MUC4: variants seen among roughly 807,000 people sequenced by gnomAD.
The protein encoded by MUC4 is mucin 4, cell surface associated, also known as mucin-4.
MUC4 carries 202 observed loss-of-function variants against 257.9 expected under a neutral mutation model. That is an observed-to-expected ratio of 0.78 (90% confidence interval 0.70 to 0.88). MUC4 has a LOEUF of 0.88. Among genes scored for constraint, MUC4 ranks in the 40% least tolerant of loss-of-function variants. The pLI, the probability that MUC4 is intolerant of heterozygous loss-of-function variation, is 0.00. For missense variants in MUC4, 5,976 were observed against 6,513.7 expected (o/e 0.92, Z 2.84); for synonymous variants, 2,351 against 2,757.1 (o/e 0.85, Z 4.62).
intron 7 of MUC4, among the ~76,000 whole-genome samples, chr3:195,767,510 TCACCATCACCAC>T (rs1172138581): frequency 2.7e-3 from 95 of 35,532 alleles, no homozygotes; most frequent in African/African-American, 6.9e-3. Flanking sequence ...ACCACCACCA[TCACCATCACCAC>T]CACCATCGCC....
intron 19 of MUC4, chr3:195,753,468 T>C (rs1716889444): frequency 1.9e-6 from 1 of 533,522 alleles, no homozygotes. Context: ...TCTCAGACCC[T>C]CTGCTTCAGA....
Position 195,778,472 on chromosome 3 carries a change from A to G in MUC4, c.12791-17T>C. 6.2e-7 allele frequency: 1 copy of G among 1,610,374 alleles called. No homozygotes were observed. The highest frequency in any genetic ancestry group is 8.5e-7 in the Non-Finnish European group (1 of 1,179,098). On this transcript the variant is annotated splice_polypyrimidine_tract_variant and intron_variant, in intron 2 of 24. Transcript: ENST00000463781. ...TTGTCATTCCTGGACACGTGAAAAGACAAGGCGGGGTGTTTCTTACAGTAA... is the reference window on the plus strand; with the variant it reads ...TTGTCATTCCTGGACACGTGAAAAGGCAAGGCGGGGTGTTTCTTACAGTAA...
chr3:195,751,371 G>T, intron 21 of MUC4, 100 bp from the exon 22 acceptor site: 1 of 944,052 alleles, frequency 1.1e-6, no homozygotes, highest in Non-Finnish European at 1.7e-6. Flanking sequence ...TTTCCTCCTG[G>T]AACGGGAGCC....
intron 12 of MUC4, 50 bp downstream of exon 12, chr3:195,763,383 A>AAGGTCCTGTGGGTGGAATGCAGGG: frequency 7.2e-7 from 1 of 1,388,192 alleles, no homozygotes; most frequent in Non-Finnish European, 9.4e-7. Flanking sequence ...TATGTGGCTG[A>AAGGTCCTGTGGGTGGAATGCAGGG]AGGTCCCTGT....
At chr3:195,758,869 C>A (rs973077010) in intron 17 of MUC4, among the ~76,000 whole-genome samples, 3 of 152,090 alleles carry the variant, frequency 2.0e-5, no homozygotes, top group African/African-American at 7.2e-5. Context: ...CCGCGCCCAG[C>A]CTTGAATCAG....
At position 195,761,136 on chromosome 3, in the gene MUC4, G is replaced by T; in HGVS notation, c.14615-19C>A. 1 of 1,596,432 alleles carries T rather than the reference G, an allele frequency of 6.3e-7. No individual in the cohort carries two copies. Among genetic ancestry groups the T allele is most frequent in the Non-Finnish European group, 8.6e-7 (1 of 1,164,006 alleles). Reference sequence around the variant, plus strand: ...ATCTGCCCTGTAACACACAGAGCGCGGTGGTACCAGGCATGGCACTCAGCC... The same window carrying T: ...ATCTGCCCTGTAACACACAGAGCGCTGTGGTACCAGGCATGGCACTCAGCC... On this transcript the variant is annotated intron_variant, in intron 15 of 24. Transcript: ENST00000463781.
rs201914190 is a variant in MUC4, at chr3:195,779,863, G to T, written c.11717C>A (p.Pro3906His). The stretch of plus-strand genomic sequence containing the variant: ...GGAAGCTGAGGAAGTGTCGGTGACA[G>T]GAAGAGGGGTGGCGTGACGTGTGGA... ...SASTRHATPL[P>H]VTDTSSASTD... The change falls in exon 2 of 25, where the codon CCT becomes CAT. Residue 3906 changes from proline (P) to histidine (H), a missense_variant. Coordinates refer to ENST00000463781, the MANE Select transcript of MUC4 (RefSeq NM_018406.7). 3 of 593,592 alleles carry T rather than the reference G, an allele frequency of 5.1e-6. No homozygotes were observed. Among genetic ancestry groups the T allele is most frequent in the Non-Finnish European group, 7.2e-6 (3 of 414,058 alleles). 36.8% of individuals were successfully genotyped at this position (593,592 alleles called of 1,614,324 possible). A position where few individuals can be genotyped will look rare whatever the true frequency, so the allele number is the denominator to read the frequency against.
Position 195,788,645 on chromosome 3 carries a change from C to G in MUC4, c.2935G>C (p.Val979Leu), listed in dbSNP as rs377747906. The G allele has an allele frequency of 4.7e-5, 76 of 1,609,266 alleles. No homozygotes were observed. Among genetic ancestry groups the G allele is most frequent in the Non-Finnish European group, 6.0e-5 (71 of 1,177,758 alleles). The change falls in exon 2 of 25, where the codon GTC becomes CTC. Residue 979 changes from valine (V) to leucine (L), a missense_variant. By Grantham distance (32) the Val-to-Leu change is conservative (BLOSUM62 1). Coordinates refer to ENST00000463781, the MANE Select transcript of MUC4 (RefSeq NM_018406.7). ...ALISNATPLP[V>L]TYASSASTGH... ...GTGGATGCCGAGGAAGCGTAGGTGA[C>G]AGGAAGAGGGGTGGCGTTGCTGATG...
Position 195,780,493 on chromosome 3 carries a change from G to T in MUC4, c.11087C>A (p.Pro3696His), listed in dbSNP as rs1451123587. 6 of 1,169,286 alleles carry T rather than the reference G, an allele frequency of 5.1e-6. No homozygotes were observed. Among genetic ancestry groups the T allele is most frequent in the Non-Finnish European group, 2.1e-6 (2 of 933,126 alleles). The allele number at this position is 1,169,286 out of a possible 1,614,324, so 72.4% of individuals were successfully genotyped here. A position where few individuals can be genotyped will look rare whatever the true frequency, so the allele number is the denominator to read the frequency against. The stretch of plus-strand genomic sequence containing the variant: ...TGAGGAAGGGATGGTGACAGGAAGA[G>T]GGGTGGCCTGACCTGTGGATGCTGA... ...TSSASTGQAT[P>H]LPVTIPSSSS... The change falls in exon 2 of 25, where the codon CCT becomes CAT. Residue 3696 changes from proline to histidine, a missense_variant. By Grantham distance (77) the Pro-to-His change is moderately conservative (BLOSUM62 -2). This residue lies in a region of MUC4 where 330 missense variants were observed against 262.0 expected (regional missense o/e 1.26). Transcript: ENST00000463781.
At position 195,782,131 on chromosome 3, in the gene MUC4, G is replaced by T. The variant is rs543610245; in HGVS notation, c.9449C>A (p.Thr3150Asn). ...AGTGTCGGTGACAGGAAGAGGGGTG[G>T]TGTCACCTGTGGATGCTGAGGAAGT... Reference protein sequence around the residue: ...TSTSSASTGDTTPLPVTDTSS... With the variant: ...TSTSSASTGDNTPLPVTDTSS... Residue 3150 changes from threonine to asparagine, a missense_variant, in exon 2 of 25, where the codon ACC becomes AAC. By Grantham distance (65) the Thr-to-Asn change is moderately conservative. This residue lies in a region of MUC4 where 128 missense variants were observed against 104.8 expected (regional missense o/e 1.22). Transcript: ENST00000463781. 13 of 1,365,974 alleles carry T rather than the reference G, an allele frequency of 9.5e-6. No individual in the cohort carries two copies. The highest frequency in any genetic ancestry group is 1.2e-5 in the Non-Finnish European group (12 of 1,037,626). 84.6% of individuals were successfully genotyped at this position (1,365,974 alleles called of 1,614,324 possible). A position where few individuals can be genotyped will look rare whatever the true frequency, so the allele number is the denominator to read the frequency against.
chr3:195,792,777 T>C (rs1158225521), intron 1 of MUC4, among the ~76,000 whole-genome samples: 1 of 152,210 alleles, frequency 6.6e-6, no homozygotes, highest in Non-Finnish European at 1.5e-5. Flanking sequence ...GTGGTACATA[T>C]GCAGCACGGA....
intron 12 of MUC4, among the ~76,000 whole-genome samples, chr3:195,763,214 T>C (rs1384063408): frequency 6.6e-6 from 1 of 152,206 alleles, no homozygotes. Flanking sequence ...CCAAATTAAG[T>C]AGTTTCTTCG....
chr3:195,770,597 C>T (rs938465824), intron 5 of MUC4: 13 of 585,046 alleles, frequency 2.2e-5, no homozygotes, highest in South Asian at 1.0e-4. Context: ...GTGGCCCAGA[C>T]GTCCAAGACC....
At position 195,780,443 on chromosome 3, in the gene MUC4, G is replaced by C. The variant is rs1416783564; in HGVS notation, c.11137C>G (p.Leu3713Val). ...ACTGAGGAAGTGCTGGTGACAGGAA[G>C]AGGGGTGGTGTGACCTGAGGATGAT... is the stretch of plus-strand genomic sequence containing the variant. Reference protein sequence around the residue: ...SSSSSGHTTPLPVTSTSSVST... With the variant: ...SSSSSGHTTPVPVTSTSSVST... Residue 3713 changes from leucine (L) to valine (V), a missense_variant, in exon 2 of 25, where the codon CTT becomes GTT. Transcript: ENST00000463781. 3.9e-6 allele frequency: 6 copies of C among 1,533,234 alleles called. No homozygotes were observed. The African/African-American group carries it at 7.8e-5, about 20-fold the overall frequency. The allele number at this position is 1,533,234 out of a possible 1,614,324, so 95.0% of individuals were successfully genotyped here. A position where few individuals can be genotyped will look rare whatever the true frequency, so the allele number is the denominator to read the frequency against.
rs1560227716 is a variant in MUC4, at chr3:195,754,947, T to TATGTGTGTATCC, written c.15169-587_15169-576dup. 2.0e-5 allele frequency among the ~76,000 whole-genome samples: 3 copies of TATGTGTGTATCC among 152,144 alleles called. No individual in the cohort carries two copies. In the East Asian group the frequency reaches 5.8e-4, roughly 29 times the overall value. On this transcript the variant is annotated intron_variant, in intron 18 of 24. Coordinates refer to ENST00000463781, the MANE Select transcript of MUC4 (RefSeq NM_018406.7). ...ATGCATGTATCCATGTATGTATCCA[T>TATGTGTGTATCC]ATGTGTGTATCCATGTGTGTATGTA...
chr3:195,775,020 C>T (rs1455421559), intron 3 of MUC4, among the ~76,000 whole-genome samples: 2 of 151,984 alleles, frequency 1.3e-5, no homozygotes, highest in East Asian at 3.9e-4. Context: ...AACTTGAAGA[C>T]TCCTCCAATT....
At position 195,788,588 on chromosome 3, in the gene MUC4, CA is replaced by C. The variant is rs762449996; in HGVS notation, c.2991del (p.Asp997GlufsTer239). 4.5e-5 allele frequency: 43 copies of C among 964,932 alleles called. No homozygotes were observed. Among genetic ancestry groups the C allele is most frequent in the South Asian group, 2.3e-5 (1 of 43,164 alleles). 59.8% of individuals were successfully genotyped at this position (964,932 alleles called of 1,614,324 possible). A position where few individuals can be genotyped will look rare whatever the true frequency, so the allele number is the denominator to read the frequency against. On this transcript the variant is annotated frameshift_variant, in exon 2 of 25. Coordinates refer to ENST00000463781, the MANE Select transcript of MUC4 (RefSeq NM_018406.7). LOFTEE classifies it high-confidence loss of function. ...TGHTTPLHVTDASSVSTGHAT... is the reference protein window; with the variant it reads ...TGHTTPLHVTXASSVSTGHAT... ...GCGTGACCTGTGGATACTGAGGAAG[CA>C]TCGGTGACATGAAGAGGGGTGGTGT...
In MUC4 at chr3:195,766,671, G is replaced by T. The variant is rs745949812; in HGVS notation, c.13610C>A (p.Ser4537Tyr). ...ERYRPDRFLNSNSGLQGLQFY... is the reference protein window; with the variant it reads ...ERYRPDRFLNYNSGLQGLQFY... ...TAAGGTGGCACTTTTACCTGAGTTG[G>T]AATTCAGGAATCTATCAGGGCGATA... Residue 4537 changes from serine (S) to tyrosine (Y), a missense_variant, in exon 8 of 25, where the codon TCC (serine) becomes TAC (tyrosine). This residue lies in a region of MUC4 where 996 missense variants were observed against 1,137.3 expected (regional missense o/e 0.88). Coordinates refer to ENST00000463781, the MANE Select transcript of MUC4 (RefSeq NM_018406.7). The T allele has an allele frequency of 6.2e-7, 1 of 1,613,996 alleles. No individual in the cohort carries two copies. The highest frequency in any genetic ancestry group is 8.5e-7 in the Non-Finnish European group (1 of 1,179,982).
intron 1 of MUC4, among the ~76,000 whole-genome samples, chr3:195,801,841 C>T (rs62282508): frequency 0.14 from 20,885 of 151,880 alleles, 1,576 homozygotes; most frequent in Non-Finnish European, 0.18. Flanking sequence ...CCCTGGCCGG[C>T]GGCCCCGTGC....
Sources: gnomAD v4.1 joint callset for allele counts (sites outside exome capture counted in the v4.1 genomes callset) on GRCh38, gnomAD v4.1.1 for gene constraint, gnomAD v4.1.1 regional missense constraint, MANE v1.5 for transcripts, NCBI Gene and HGNC (gene_info 2026-07-23, HGNC 2026-07-21) for gene names.